The following SMOC2 variants were observed in gnomAD, a reference collection of about 807,000 sequenced individuals.
SMOC2 encodes SPARC related modular calcium binding 2, also known as SPARC-related modular calcium-binding protein 2.
A neutral mutation model predicts 61.4 loss-of-function variants in SMOC2; 39 were observed. The observed-to-expected ratio is 0.64, with a 90% CI of 0.49 to 0.83. The LOEUF is 0.83. SMOC2 is among the 40% of genes least tolerant of loss of function. The pLI, the probability that SMOC2 is intolerant of heterozygous loss-of-function variation, is 0.00. For synonymous variants in SMOC2, 247 were observed against 239.9 expected, an observed-to-expected ratio of 1.03 and a Z score of -0.27; for missense variants, 556 against 592.9, an observed-to-expected ratio of 0.94 and a Z score of 0.65.
At chr6:168,620,800 G>A (rs1022002181) in intron 9 of SMOC2, among the ~76,000 whole-genome samples, 8 of 152,138 alleles carry the variant, frequency 5.3e-5, no homozygotes, top group South Asian at 2.1e-4. Context: ...AGAGCACTGC[G>A]GTTATTACTT....
At chr6:168,578,128 T>C (rs923029902) in intron 7 of SMOC2, among the ~76,000 whole-genome samples, 6 of 152,228 alleles carry the variant, frequency 3.9e-5, no homozygotes, top group Admixed American at 3.9e-4. Context: ...TCACCGTGCA[T>C]TTGCACGTAG....
chr6:168,543,509 T>C (rs1247018754), intron 4 of SMOC2, 116 bp from the exon 5 acceptor site: 1 of 870,646 alleles, frequency 1.1e-6, no homozygotes, highest in East Asian at 2.6e-5. Context: ...AAGTAGAACA[T>C]GCCGAAGCAC....
At chr6:168,442,973 C>T (rs1215881554) in intron 1 of SMOC2, among the ~76,000 whole-genome samples, 3 of 152,228 alleles carry the variant, frequency 2.0e-5, no homozygotes, top group African/African-American at 7.2e-5. Context: ...TGTATATGCA[C>T]ATCTGTACAT....
Position 168,598,915 on chromosome 6 carries a change from C to T in SMOC2, c.735C>T (p.Leu245=). Reference sequence around the variant, plus strand: ...TCCCTGAGTGTGCGCACGGCGGCCTCTACAAGCCAGTGCAGTGCCACCCCT... The same window carrying T: ...TCCCTGAGTGTGCGCACGGCGGCCTTTACAAGCCAGTGCAGTGCCACCCCT... ...VVIPECAHGG[L]YKPVQCHPST... Residue 245 remains leucine, a synonymous_variant, in exon 8 of 13, where the codon CTC becomes CTT. Transcript: ENST00000356284. 1 of 1,612,908 alleles carries T rather than the reference C, an allele frequency of 6.2e-7. No homozygotes were observed. Among genetic ancestry groups the T allele is most frequent in the East Asian group, 2.2e-5 (1 of 44,860 alleles).
chr6:168,526,292 G>A, intron 2 of SMOC2, 54 bp from the exon 3 acceptor site: 2 of 1,496,174 alleles, frequency 1.3e-6, no homozygotes, highest in Non-Finnish European at 1.9e-6. Flanking sequence ...TCCTATATCT[G>A]TTCTATCTTC....
intron 4 of SMOC2, among the ~76,000 whole-genome samples, chr6:168,533,034 CTGTG>C (rs1373222679): frequency 6.9e-6 from 1 of 144,704 alleles, no homozygotes; most frequent in African/African-American, 2.6e-5. Context: ...TTACTAAAGT[CTGTG>C]TGATACCTGT....
At chr6:168,545,960 G>T (rs974089725) in intron 5 of SMOC2, among the ~76,000 whole-genome samples, 2 of 152,016 alleles carry the variant, frequency 1.3e-5, no homozygotes, top group Non-Finnish European at 2.9e-5. Context: ...CTAGTTTATT[G>T]TTATTATCAG....
intron 5 of SMOC2, among the ~76,000 whole-genome samples, chr6:168,546,036 C>CTGTT (rs1783986983): frequency 6.6e-6 from 1 of 151,998 alleles, no homozygotes; most frequent in Non-Finnish European, 1.5e-5. Flanking sequence ...AGCTAGCAAA[C>CTGTT]TGTTTTTGAG....
At chr6:168,633,056 G>A (rs1323551886) in intron 9 of SMOC2, among the ~76,000 whole-genome samples, 1 of 152,190 alleles carries the variant, frequency 6.6e-6, no homozygotes, top group African/African-American at 2.4e-5. Context: ...AAGTGTTGAT[G>A]AGAAACCAGG....
At position 168,567,348 on chromosome 6, in the gene SMOC2, G is replaced by A. The variant is rs1024203454; in HGVS notation, c.637+18145G>A. 2.6e-5 allele frequency among the ~76,000 whole-genome samples: 4 copies of A among 152,114 alleles called. No homozygotes were observed. The East Asian group carries it at 5.8e-4, about 22-fold the overall frequency. Reference sequence around the variant, plus strand: ...GCCATTAGTTCAAATTTTTGAAATAGCAATATGTTACAACCAAAATGTATC... The same window carrying A: ...GCCATTAGTTCAAATTTTTGAAATAACAATATGTTACAACCAAAATGTATC... On this transcript the variant is annotated intron_variant, in intron 7 of 12. Coordinates refer to ENST00000356284, the MANE Select transcript of SMOC2 (RefSeq NM_001166412.2).
chr6:168,514,770 T>C (rs1281243759), intron 2 of SMOC2, among the ~76,000 whole-genome samples: 2 of 152,208 alleles, frequency 1.3e-5, no homozygotes, highest in Non-Finnish European at 2.9e-5. Flanking sequence ...CGTGTTCCCT[T>C]AGATAACTCC....
intron 9 of SMOC2, among the ~76,000 whole-genome samples, chr6:168,643,049 CT>C (rs984548897): frequency 6.6e-6 from 1 of 152,172 alleles, no homozygotes; most frequent in Non-Finnish European, 1.5e-5. Context: ...CTATTTGGCC[CT>C]GGTTATAACC....
intron 1 of SMOC2, among the ~76,000 whole-genome samples, chr6:168,501,141 C>T (rs917540013): frequency 6.6e-6 from 1 of 152,144 alleles, no homozygotes; most frequent in African/African-American, 2.4e-5. Context: ...ATTAATGTAA[C>T]ACCATCCTCA....
At chr6:168,571,486 C>T (rs1308723394) in intron 7 of SMOC2, among the ~76,000 whole-genome samples, 1 of 152,102 alleles carries the variant, frequency 6.6e-6, no homozygotes, top group East Asian at 1.9e-4. Context: ...CTCAGCAATC[C>T]GGGTGATTCT....
intron 2 of SMOC2, among the ~76,000 whole-genome samples, chr6:168,516,285 C>T (rs368604734): frequency 6.6e-6 from 1 of 151,724 alleles, no homozygotes; most frequent in African/African-American, 2.4e-5. Flanking sequence ...GTTTTCAGAA[C>T]TCTGCACACA....
intron 4 of SMOC2, among the ~76,000 whole-genome samples, chr6:168,534,045 A>T (rs1783676115): frequency 6.6e-6 from 1 of 152,212 alleles, no homozygotes; most frequent in Non-Finnish European, 1.5e-5. Context: ...CAGGAGTTTG[A>T]GACTGGCCTG....
intron 7 of SMOC2, among the ~76,000 whole-genome samples, chr6:168,555,136 G>C (rs528474921): frequency 1.3e-5 from 2 of 152,330 alleles, no homozygotes; most frequent in South Asian, 4.1e-4. Flanking sequence ...GGCTCCTCTC[G>C]GCCTCGCCCT....
intron 9 of SMOC2, among the ~76,000 whole-genome samples, chr6:168,647,476 G>A (rs1262394837): frequency 6.6e-6 from 1 of 152,200 alleles, no homozygotes; most frequent in Admixed American, 6.5e-5. Flanking sequence ...GTTGGCAGGG[G>A]GCCAGCGCCC....
chr6:168,577,615 C>T (rs908307821), intron 7 of SMOC2, among the ~76,000 whole-genome samples: 9 of 152,204 alleles, frequency 5.9e-5, no homozygotes, highest in African/African-American at 2.2e-4. Flanking sequence ...GGGTGACACG[C>T]ACCCTCATCC....
Sources: gnomAD v4.1 joint callset for allele counts (sites outside exome capture counted in the v4.1 genomes callset) on GRCh38, gnomAD v4.1.1 for gene constraint, MANE v1.5 for transcripts, NCBI Gene and HGNC (gene_info 2026-07-23, HGNC 2026-07-21) for gene names.